Variants in ANKRD11 observed in about 807,000 individuals in gnomAD.
The protein encoded by ANKRD11 is ankyrin repeat domain-containing protein 11.
In ANKRD11, 17 loss-of-function variants were observed where a neutral mutation model predicts 195.7. The observed-to-expected ratio is 0.09, with a 90% CI of 0.06 to 0.13. The LOEUF (loss-of-function observed/expected upper bound fraction) is 0.13, where lower values mean the gene tolerates loss of function less well. ANKRD11 is among the 10% of genes least tolerant of loss of function. The probability of loss-of-function intolerance (pLI) is 1.00; values close to 1 mark genes in which losing one functional copy is unlikely to be tolerated. For missense variants in ANKRD11, 3,735 were observed against 3,566.1 expected (o/e 1.05, Z -1.21); for synonymous variants, 1,953 against 1,528.1 (o/e 1.28, Z -6.49).
intron 1 of ANKRD11, chr16:89,489,174 T>C (rs946929112): frequency 6.6e-6 from 1 of 151,878 alleles, no homozygotes; most frequent in Non-Finnish European, 1.5e-5. Flanking sequence ...AATCCCTCTT[T>C]GAGAGGGGAC....
Position 89,279,801 on chromosome 16 carries a change from T to C in ANKRD11, c.6741A>G (p.Glu2247=). Residue 2247 remains glutamate, a synonymous_variant, in exon 9 of 13, where the codon GAA becomes GAG. Coordinates refer to ENST00000301030, the MANE Select transcript of ANKRD11 (RefSeq NM_013275.6). This position sits in a 1 kb window ranked among gnomAD's most constrained non-coding sequence, Gnocchi z 5.6. The part of the protein sequence containing the change: ...SSVEPAPVPP[E]QRPLGSGDQG... ...GGTCTCCGCTCCCCAGTGGGCGCTG[T>C]TCTGGGGGAACGGGCGCGGGCTCCA... The C allele has an allele frequency of 6.5e-7, 1 of 1,540,530 alleles. No individual in the cohort carries two copies. The highest frequency in any genetic ancestry group is 8.7e-7 in the Non-Finnish European group (1 of 1,147,104).
At chr16:89,334,294 C>A (rs545666058) in intron 2 of ANKRD11, among the ~76,000 whole-genome samples, 1 of 152,154 alleles carries the variant, frequency 6.6e-6, no homozygotes, top group East Asian at 1.9e-4. Flanking sequence ...GGGAGTCAAC[C>A]CCCAGTGAGT....
At chr16:89,391,731 G>C (rs1172059691) in intron 2 of ANKRD11, among the ~76,000 whole-genome samples, 4 of 152,186 alleles carry the variant, frequency 2.6e-5, no homozygotes, top group Non-Finnish European at 5.9e-5. Flanking sequence ...ACACTTGTAA[G>C]AAGTAAAGCA....
chr16:89,312,413 G>A (rs981219525), intron 3 of ANKRD11, among the ~76,000 whole-genome samples: 1 of 152,160 alleles, frequency 6.6e-6, no homozygotes, highest in Non-Finnish European at 1.5e-5. Context: ...GGCGGAGGCA[G>A]CATGCAGGCA....
intron 1 of ANKRD11, among the ~76,000 whole-genome samples, chr16:89,438,698 G>C (rs7193367): frequency 9.2e-5 from 14 of 152,246 alleles, no homozygotes; most frequent in African/African-American, 3.4e-4. Flanking sequence ...TTGCCCCCAA[G>C]AACCAAGCAC....
intron 4 of ANKRD11, among the ~76,000 whole-genome samples, chr16:89,294,335 A>G (rs777578405): frequency 9.2e-5 from 14 of 152,184 alleles, no homozygotes; most frequent in Non-Finnish European, 2.1e-4. Context: ...CCCAGGAAGC[A>G]GCAACTTTTC....
chr16:89,432,348 C>G (rs751066019), intron 1 of ANKRD11, among the ~76,000 whole-genome samples: 1 of 152,088 alleles, frequency 6.6e-6, no homozygotes, highest in African/African-American at 2.4e-5. Context: ...AGTGTTTCCC[C>G]AGGCTGGCAG....
chr16:89,283,783 C>G lies in ANKRD11; in HGVS notation c.2759G>C (p.Arg920Thr), dbSNP rs773527879. 43 of 1,613,646 alleles carry G rather than the reference C, an allele frequency of 2.7e-5. No individual in the cohort carries two copies. Among genetic ancestry groups the G allele is most frequent in the Non-Finnish European group, 3.3e-5 (39 of 1,179,782 alleles). ...TTTATGCTTTTCGGTCTGCTCTTTC[C>G]TCTTCTCAGAGTTTTTATCCAAATA... ...RDYLDKNSEK[R>T]KEQTEKHKSV... The change falls in exon 9 of 13, where the codon AGG becomes ACG. Residue 920 changes from arginine (R) to threonine (T), a missense_variant. Coordinates refer to ENST00000301030, the MANE Select transcript of ANKRD11 (RefSeq NM_013275.6). The surrounding 1 kb of genome is among the most constrained non-coding windows in gnomAD (Gnocchi z 4.3).
At chr16:89,487,999 A>G (rs2152383915) in intron 1 of ANKRD11, among the ~76,000 whole-genome samples, 1 of 152,256 alleles carries the variant, frequency 6.6e-6, no homozygotes, top group East Asian at 1.9e-4. Flanking sequence ...GTCCGGAGAA[A>G]AGCATCTGGC....
intron 4 of ANKRD11, among the ~76,000 whole-genome samples, chr16:89,295,020 T>G (rs960399167): frequency 2.2e-4 from 34 of 152,330 alleles, no homozygotes; most frequent in Middle Eastern, 3.4e-3. Context: ...GGAAGCCAAA[T>G]ACAATTTCTA....
chr16:89,353,775 C>T (rs755367983), intron 2 of ANKRD11, among the ~76,000 whole-genome samples: 29 of 152,158 alleles, frequency 1.9e-4, no homozygotes, highest in Admixed American at 6.5e-4. Context: ...CCACTACGCC[C>T]GAACTGGTCA....
chr16:89,367,791 C>G (rs977008629), intron 2 of ANKRD11, among the ~76,000 whole-genome samples: 4 of 152,164 alleles, frequency 2.6e-5, no homozygotes, highest in African/African-American at 9.7e-5. Flanking sequence ...CAAACTATGA[C>G]TTGTTCAAAA....
intron 1 of ANKRD11, among the ~76,000 whole-genome samples, chr16:89,467,109 CT>C (rs1209819343): frequency 6.6e-6 from 1 of 152,136 alleles, no homozygotes; most frequent in African/African-American, 2.4e-5. Context: ...ACCACATAAT[CT>C]TTTATTGACC....
intron 2 of ANKRD11, among the ~76,000 whole-genome samples, chr16:89,325,449 C>CCT (rs10641419): frequency 0.51 from 71,195 of 138,430 alleles, 18,253 homozygotes; most frequent in Middle Eastern, 0.63. Context: ...TCTCCCCTCT[C>CCT]CTCTCTCTCT....
chr16:89,412,857 C>G (rs1277406852), intron 2 of ANKRD11, among the ~76,000 whole-genome samples: 1 of 152,170 alleles, frequency 6.6e-6, no homozygotes, highest in Non-Finnish European at 1.5e-5. Flanking sequence ...AGTCCCCCAG[C>G]AGGACCTCTC....
rs147575230 is a variant in ANKRD11 at position 89,375,334 on chromosome 16, G to A, written c.-60+42950C>T. On this transcript the variant is annotated intron_variant, in intron 2 of 12. Coordinates refer to ENST00000301030, the MANE Select transcript of ANKRD11 (RefSeq NM_013275.6). ...CTAGTTGCGGTAGCATGGGCCTGGAGTCCCAGCTACTCAGAAGGCTGAGAT... is the reference window on the plus strand; with the variant it reads ...CTAGTTGCGGTAGCATGGGCCTGGAATCCCAGCTACTCAGAAGGCTGAGAT... 3.9e-3 allele frequency among the ~76,000 whole-genome samples: 587 copies of A among 152,330 alleles called. 2 individuals carry two copies. Among genetic ancestry groups the A allele is most frequent in the African/African-American group, 0.014 (566 of 41,564 alleles).
At chr16:89,410,156 C>T (rs1181906579) in intron 2 of ANKRD11, among the ~76,000 whole-genome samples, 2 of 152,102 alleles carry the variant, frequency 1.3e-5, no homozygotes, top group African/African-American at 4.8e-5. Flanking sequence ...AAATTTAAAA[C>T]ACAGTTTGCT....
At chr16:89,371,283 T>C (rs920248054) in intron 2 of ANKRD11, among the ~76,000 whole-genome samples, 1 of 152,236 alleles carries the variant, frequency 6.6e-6, no homozygotes, top group South Asian at 2.1e-4. Flanking sequence ...ATGACACCAC[T>C]AGGCAATTCT....
intron 4 of ANKRD11, chr16:89,300,299 C>T: frequency 1.4e-5 from 3 of 218,662 alleles, no homozygotes; most frequent in Admixed American, 5.7e-5. Flanking sequence ...TCAGGGCTTC[C>T]CGCCGTGTGT....
Sources: gnomAD v4.1 joint callset for allele counts (sites outside exome capture counted in the v4.1 genomes callset) on GRCh38, gnomAD v4.1.1 for gene constraint, Gnocchi (gnomAD v3.1) non-coding constraint, MANE v1.5 for transcripts, NCBI Gene and HGNC (gene_info 2026-07-23, HGNC 2026-07-21) for gene names.